Variants in TMEM117 observed in about 807,000 individuals in gnomAD.
TMEM117 encodes the protein transmembrane protein 117.
In TMEM117, 27 loss-of-function variants were observed where a neutral mutation model predicts 52.4. The ratio of observed to expected loss-of-function variants is 0.51; its 90% CI spans 0.38 to 0.71. The LOEUF (loss-of-function observed/expected upper bound fraction) is 0.71. Among genes scored for constraint, TMEM117 ranks in the 30% least tolerant of loss-of-function variants. The pLI is 0.00. For missense variants in TMEM117, 556 were observed against 630.5 expected (o/e 0.88, Z 1.26); for synonymous variants, 215 against 206.3 (o/e 1.04, Z -0.36).
intron 3 of TMEM117, among the ~76,000 whole-genome samples, chr12:43,978,516 C>T (rs998594163): frequency 1.3e-5 from 2 of 152,134 alleles, no homozygotes; most frequent in Non-Finnish European, 2.9e-5. Context: ...AGCCACTTTT[C>T]CATTTTTACC....
chr12:44,173,399 T>G (rs1020800738), intron 4 of TMEM117, among the ~76,000 whole-genome samples: 1 of 152,142 alleles, frequency 6.6e-6, no homozygotes, highest in Non-Finnish European at 1.5e-5. Flanking sequence ...TTTATTAATT[T>G]AATAACTTTC....
Position 43,836,098 on chromosome 12 carries a change from G to C in TMEM117, c.-127G>C, listed in dbSNP as rs1943021994. The C allele has an allele frequency of 6.6e-6, 1 of 151,960 alleles. No homozygotes were observed. Among genetic ancestry groups the C allele is most frequent in the East Asian group, 1.9e-4 (1 of 5,158 alleles). 9.4% of individuals were successfully genotyped at this position (151,960 alleles called of 1,614,324 possible). A position where few individuals can be genotyped will look rare whatever the true frequency, so the allele number is the denominator to read the frequency against. On this transcript the variant is annotated 5_prime_UTR_variant, in exon 1 of 8. Transcript: ENST00000266534. ...GCAGCGGCAGCGACGCCGCCGGCCC[G>C]TCTCGCCGCGCTTCCCAGCGAGGCC...
At chr12:44,346,026 A>G (rs1951481915) in intron 6 of TMEM117, among the ~76,000 whole-genome samples, 1 of 152,086 alleles carries the variant, frequency 6.6e-6, no homozygotes, top group Non-Finnish European at 1.5e-5. Flanking sequence ...GTTAAACTAT[A>G]TCTTTTAAAG....
intron 3 of TMEM117, among the ~76,000 whole-genome samples, chr12:44,130,340 C>T (rs1196931994): frequency 1.3e-5 from 2 of 152,156 alleles, no homozygotes; most frequent in African/African-American, 4.8e-5. Context: ...CCAGAAGCTG[C>T]CCTCTGGCTG....
intron 2 of TMEM117, among the ~76,000 whole-genome samples, chr12:43,941,643 C>T (rs1945046481): frequency 6.6e-6 from 1 of 152,144 alleles, no homozygotes; most frequent in Non-Finnish European, 1.5e-5. Context: ...CTTTAAGTAG[C>T]TTATGGGAAA....
At chr12:44,096,941 GA>G (rs1367188583) in intron 3 of TMEM117, among the ~76,000 whole-genome samples, 2 of 151,662 alleles carry the variant, frequency 1.3e-5, no homozygotes, top group Admixed American at 1.3e-4. Context: ...TACAGAATGG[GA>G]GAAAATTTTC....
chr12:44,332,802 T>G (rs1246744825), intron 6 of TMEM117, among the ~76,000 whole-genome samples: 1 of 151,558 alleles, frequency 6.6e-6, no homozygotes, highest in South Asian at 2.1e-4. Flanking sequence ...TAAACTGTCC[T>G]AAATTGAATA....
At position 44,174,919 on chromosome 12, in the gene TMEM117, A is replaced by ACG. The variant is rs1269852112; in HGVS notation, c.510+31296_510+31297dup. ...TTGAAGAGAGGCAGTGGCAACGGGCACGGAGTCTCCTGGAGAAGGATCAGA... is the reference window on the plus strand; with the variant it reads ...TTGAAGAGAGGCAGTGGCAACGGGCACGCGGAGTCTCCTGGAGAAGGATCAGA... On this transcript the variant is annotated intron_variant, in intron 4 of 7. Coordinates refer to ENST00000266534, the MANE Select transcript of TMEM117 (RefSeq NM_032256.3). Among the ~76,000 whole-genome samples the ACG allele has an allele frequency of 2.0e-5, 3 of 152,330 alleles. No homozygotes were observed. The East Asian group carries it at 5.8e-4, about 29-fold the overall frequency.
chr12:44,189,732 A>G (rs1041631124), intron 4 of TMEM117, among the ~76,000 whole-genome samples: 1 of 152,254 alleles, frequency 6.6e-6, no homozygotes, highest in Non-Finnish European at 1.5e-5. Context: ...TCAGTACTTA[A>G]GGAGAGAACT....
chr12:44,247,742 A>AG (rs1221697302), intron 5 of TMEM117, among the ~76,000 whole-genome samples: 1 of 152,160 alleles, frequency 6.6e-6, no homozygotes, highest in Non-Finnish European at 1.5e-5. Flanking sequence ...ACCCCATGCC[A>AG]GGGGGCAGTA....
intron 1 of TMEM117, among the ~76,000 whole-genome samples, chr12:43,836,495 C>T (rs965762307): frequency 2.6e-5 from 4 of 152,154 alleles, no homozygotes; most frequent in African/African-American, 9.7e-5. Flanking sequence ...TGGGAGTCCT[C>T]AAACTCCCGG....
At chr12:44,000,127 G>A (rs1946093005) in intron 3 of TMEM117, among the ~76,000 whole-genome samples, 1 of 152,086 alleles carries the variant, frequency 6.6e-6, no homozygotes, top group Non-Finnish European at 1.5e-5. Flanking sequence ...CCTTTCCTGG[G>A]CTAGGATATT....
intron 6 of TMEM117, among the ~76,000 whole-genome samples, chr12:44,348,003 G>C (rs910982744): frequency 2.6e-5 from 4 of 151,956 alleles, no homozygotes; most frequent in Admixed American, 6.6e-5. Flanking sequence ...CACAAATAGT[G>C]ACCAATGGAG....
At chr12:44,234,611 A>G (rs1366473636) in intron 5 of TMEM117, among the ~76,000 whole-genome samples, 1 of 150,630 alleles carries the variant, frequency 6.6e-6, no homozygotes, top group African/African-American at 2.4e-5. Context: ...CTCTTTTTTA[A>G]TTCTCCTTAT....
At chr12:44,204,351 G>A (rs1258018540) in intron 4 of TMEM117, among the ~76,000 whole-genome samples, 4 of 152,050 alleles carry the variant, frequency 2.6e-5, no homozygotes, top group African/African-American at 9.7e-5. Context: ...TAGGAATACA[G>A]CTAACCAGGC....
chr12:43,807,388 GCT>G, the TMEM117 span, among the ~76,000 whole-genome samples: 1 of 152,138 alleles, frequency 6.6e-6, no homozygotes, highest in Non-Finnish European at 1.5e-5. Context: ...TGTTATCTGA[GCT>G]CTGTTTTTCA....
intron 2 of TMEM117, among the ~76,000 whole-genome samples, chr12:43,923,313 G>A (rs1222265298): frequency 6.6e-6 from 1 of 152,094 alleles, no homozygotes; most frequent in Non-Finnish European, 1.5e-5. Flanking sequence ...TTGTTAAAAG[G>A]AACAGTCAAG....
chr12:43,916,379 C>T (rs1480599361), intron 2 of TMEM117, among the ~76,000 whole-genome samples: 3 of 152,164 alleles, frequency 2.0e-5, no homozygotes, highest in African/African-American at 4.8e-5. Context: ...GAGAACACCA[C>T]CATTAACATT....
At chr12:44,296,946 G>C (rs986317939) in intron 5 of TMEM117, among the ~76,000 whole-genome samples, 22 of 152,164 alleles carry the variant, frequency 1.4e-4, no homozygotes, top group African/African-American at 4.8e-4. Context: ...TCATAAGCCT[G>C]GCAACTGGGT....
Sources: gnomAD v4.1 joint callset for allele counts (sites outside exome capture counted in the v4.1 genomes callset) on GRCh38, gnomAD v4.1.1 for gene constraint, MANE v1.5 for transcripts, NCBI Gene and HGNC (gene_info 2026-07-23, HGNC 2026-07-21) for gene names.